The following ATRN variants were observed in gnomAD, a reference collection of about 807,000 sequenced individuals.
ATRN encodes attractin.
ATRN carries 54 observed loss-of-function variants against 178.7 expected under a neutral mutation model. That is an observed-to-expected ratio of 0.30 (90% confidence interval 0.24 to 0.38). The LOEUF (loss-of-function observed/expected upper bound fraction) is 0.38. Among genes scored for constraint, ATRN ranks in the 10% least tolerant of loss-of-function variants. ATRN has a pLI of 1.00. For missense variants in ATRN, 1,443 were observed against 1,815.1 expected (o/e 0.79, Z 3.73); for synonymous variants, 636 against 663.0 (o/e 0.96, Z 0.63).
At chr20:3,504,543 G>C (rs1036764231) in intron 1 of ATRN, among the ~76,000 whole-genome samples, 3 of 150,540 alleles carry the variant, frequency 2.0e-5, no homozygotes, top group Admixed American at 6.6e-5. Flanking sequence ...AAATTAGCTA[G>C]GTGTGGTGGC....
intron 1 of ATRN, chr20:3,490,455 C>T: frequency 1.1e-6 from 1 of 950,296 alleles, no homozygotes; most frequent in South Asian, 1.3e-5. Context: ...ACTCAAGCAG[C>T]ATCTCTAGGT....
intron 1 of ATRN, among the ~76,000 whole-genome samples, chr20:3,492,832 AAGGG>A (rs1357419302): frequency 1.4e-5 from 2 of 141,092 alleles, no homozygotes; most frequent in East Asian, 4.0e-4. Context: ...GAGAAATAGA[AAGGG>A]AGAGAGAGAG....
Position 3,649,683 on chromosome 20 carries a change from C to T in ATRN, c.*2836C>T, listed in dbSNP as rs1207282883. Reference sequence around the variant, plus strand: ...GCACATCATGACCCTTTCTGGCAGCCTCTTGGTGCTCTGGGTAGTGAGGGA... The same window carrying T: ...GCACATCATGACCCTTTCTGGCAGCTTCTTGGTGCTCTGGGTAGTGAGGGA... On this transcript the variant is annotated 3_prime_UTR_variant, in exon 29 of 29. Coordinates refer to ENST00000262919, the MANE Select transcript of ATRN (RefSeq NM_139321.3). 6.6e-6 allele frequency: 1 copy of T among 152,222 alleles called. No homozygotes were observed. Among genetic ancestry groups the T allele is most frequent in the Non-Finnish European group, 1.5e-5 (1 of 68,050 alleles). The allele number at this position is 152,222 out of a possible 1,614,324, so 9.4% of individuals were successfully genotyped here.
At chr20:3,491,881 T>C (rs945353253) in intron 1 of ATRN, among the ~76,000 whole-genome samples, 1 of 152,158 alleles carries the variant, frequency 6.6e-6, no homozygotes, top group Admixed American at 6.6e-5. Context: ...TTCTGGAAAG[T>C]GTAAGGTTGT....
In ATRN at chr20:3,505,588, AG is replaced by A. The variant is rs553977041; in HGVS notation, c.411-29664del. ...TCAAGTGACCTATAAGAAGGCAAGA[AG>A]AGAAGAACAAAAGACCGAGGACTTA... is the stretch of plus-strand genomic sequence containing the variant. On this transcript the variant is annotated intron_variant, in intron 1 of 28. Transcript: ENST00000262919. Among the ~76,000 whole-genome samples the A allele has an allele frequency of 1.1e-3, 172 of 152,360 alleles. 4 individuals are homozygous for A. The South Asian group carries it at 0.034, about 30-fold the overall frequency.
chr20:3,648,563 TAGAG>T lies in ATRN; in HGVS notation c.*1723_*1726del, dbSNP rs1404387360. On this transcript the variant is annotated 3_prime_UTR_variant, in exon 29 of 29. Transcript: ENST00000262919. ...GCATTTTACCTTTAAATGCAGTGCCTAGAGAGAGAGTATTGTCTCTTCCCCAACA... is the reference window on the plus strand; with the variant it reads ...GCATTTTACCTTTAAATGCAGTGCCTAGAGAGTATTGTCTCTTCCCCAACA... The T allele has an allele frequency of 7.2e-5, 11 of 152,550 alleles. No individual in the cohort carries two copies. The East Asian group carries it at 1.7e-3, about 24-fold the overall frequency. The allele number at this position is 152,550 out of a possible 1,614,324, so 9.4% of individuals were successfully genotyped here. A position where few individuals can be genotyped will look rare whatever the true frequency, so the allele number is the denominator to read the frequency against.
intron 1 of ATRN, among the ~76,000 whole-genome samples, chr20:3,502,936 C>G (rs1487050776): frequency 6.6e-6 from 1 of 152,106 alleles, no homozygotes; most frequent in Non-Finnish European, 1.5e-5. Context: ...GAGCAAGTGG[C>G]CCATTACAGA....
intron 11 of ATRN, among the ~76,000 whole-genome samples, chr20:3,571,050 A>G (rs746411762): frequency 2.6e-5 from 4 of 152,218 alleles, no homozygotes; most frequent in Non-Finnish European, 5.9e-5. Context: ...TCCCCCACAT[A>G]GCAGTATATA....
chr20:3,561,670 A>G (rs1021544083), intron 8 of ATRN, among the ~76,000 whole-genome samples: 10 of 152,228 alleles, frequency 6.6e-5, no homozygotes, highest in Non-Finnish European at 1.5e-4. Flanking sequence ...AAGTAGGCCT[A>G]TAAAATATAT....
chr20:3,629,804 G>A (rs778501041), intron 25 of ATRN, among the ~76,000 whole-genome samples: 9 of 152,166 alleles, frequency 5.9e-5, no homozygotes, highest in East Asian at 1.9e-4. Flanking sequence ...CTCAGGAACC[G>A]CCAAATGGAA....
At chr20:3,588,276 G>A (rs1402604971) in intron 18 of ATRN, among the ~76,000 whole-genome samples, 1 of 151,950 alleles carries the variant, frequency 6.6e-6, no homozygotes, top group African/African-American at 2.4e-5. Flanking sequence ...CCTTTTTTTA[G>A]GGGAAAATAA....
chr20:3,576,783 T>A, intron 13 of ATRN, 76 bp from the exon 14 acceptor site: 2 of 1,508,476 alleles, frequency 1.3e-6, no homozygotes, highest in African/African-American at 2.8e-5. Flanking sequence ...TTTTGTTGTC[T>A]ATAATATCCT....
intron 23 of ATRN, among the ~76,000 whole-genome samples, chr20:3,601,879 A>G (rs1489174790): frequency 2.6e-5 from 4 of 151,620 alleles, no homozygotes; most frequent in Admixed American, 1.3e-4. Flanking sequence ...AAAAAAAAAA[A>G]AAAAAAAGAA....
chr20:3,487,322 C>T (rs1053082485), intron 1 of ATRN, among the ~76,000 whole-genome samples: 3 of 152,092 alleles, frequency 2.0e-5, no homozygotes, highest in Non-Finnish European at 4.4e-5. Flanking sequence ...CAACCTCCGC[C>T]TCCCAGGTTT....
At chr20:3,493,513 T>G (rs1214203637) in intron 1 of ATRN, among the ~76,000 whole-genome samples, 1 of 152,076 alleles carries the variant, frequency 6.6e-6, no homozygotes. Flanking sequence ...TAGGCTGGTC[T>G]CAAGCTCCTG....
intron 1 of ATRN, among the ~76,000 whole-genome samples, chr20:3,524,505 A>G (rs916711765): frequency 5.3e-5 from 8 of 152,116 alleles, no homozygotes; most frequent in African/African-American, 1.7e-4. Context: ...AGACAGATCA[A>G]TGAGACAGAA....
chr20:3,623,087 G>A (rs1304344416), intron 24 of ATRN, among the ~76,000 whole-genome samples: 1 of 152,170 alleles, frequency 6.6e-6, no homozygotes, highest in Non-Finnish European at 1.5e-5. Context: ...TCCAGACAGG[G>A]CTGGGGTGGA....
intron 1 of ATRN, among the ~76,000 whole-genome samples, chr20:3,518,347 G>A (rs1011192361): frequency 2.0e-5 from 3 of 152,160 alleles, no homozygotes; most frequent in African/African-American, 7.2e-5. Context: ...AAGCCCATAA[G>A]GGACAAGTCC....
intron 6 of ATRN, among the ~76,000 whole-genome samples, chr20:3,550,190 C>A (rs531771230): frequency 6.6e-6 from 1 of 152,074 alleles, no homozygotes; most frequent in Admixed American, 6.6e-5. Context: ...TAGCCAGGTG[C>A]GGTGGCCGGC....
Sources: gnomAD v4.1 joint callset for allele counts (sites outside exome capture counted in the v4.1 genomes callset) on GRCh38, gnomAD v4.1.1 for gene constraint, MANE v1.5 for transcripts, NCBI Gene and HGNC (gene_info 2026-07-23, HGNC 2026-07-21) for gene names.